Variants in KANK3 observed in about 807,000 individuals in gnomAD.
KANK3 encodes the protein KN motif and ankyrin repeat domain-containing protein 3.
Under a neutral mutation model 65.4 loss-of-function variants are expected in KANK3, and 61 were observed. That is an observed-to-expected ratio of 0.93 (90% CI 0.76 to 1.15). The LOEUF (loss-of-function observed/expected upper bound fraction) is 1.15. KANK3 is among the 50% of genes most tolerant of loss of function. The pLI is 0.00. For synonymous variants in KANK3, 586 were observed against 543.3 expected (o/e 1.08, Z -1.09); for missense variants, 1,187 against 1,178.8 (o/e 1.01, Z -0.10).
intron 7 of KANK3, among the ~76,000 whole-genome samples, chr19:8,328,373 A>C (rs994961722): frequency 2.1e-5 from 3 of 146,228 alleles, no homozygotes; most frequent in African/African-American, 5.1e-5. Flanking sequence ...TCCACTCTTC[A>C]CTCACCACCC....
chr19:8,333,485 G>A lies in KANK3; in HGVS notation c.1719+239C>T, dbSNP rs1320642986. Among the ~76,000 whole-genome samples, 1 of 152,234 alleles carries A rather than the reference G, an allele frequency of 6.6e-6. No homozygotes were observed. Among genetic ancestry groups the A allele is most frequent in the Non-Finnish European group, 1.5e-5 (1 of 68,044 alleles). On this transcript the variant is annotated intron_variant, in intron 6 of 10. Transcript: ENST00000330915. This position sits in a 1 kb window ranked among gnomAD's most constrained non-coding sequence, Gnocchi z 5.0. ...GAATTTGCGGGAGAACATGGAACGG[G>A]GAAAGGCAATGAACGCTTGCCCTTG...
intron 10 of KANK3, chr19:8,323,496 G>T (rs11260080): frequency 0.16 from 23,879 of 152,494 alleles, 2,235 homozygotes; most frequent in African/African-American, 0.26. Context: ...AACCTGGGAG[G>T]TGGAGGTTGC....
intron 7 of KANK3, among the ~76,000 whole-genome samples, chr19:8,329,777 T>C (rs1028056267): frequency 3.9e-5 from 6 of 152,186 alleles, no homozygotes; most frequent in Admixed American, 1.3e-4. Flanking sequence ...ATTGGCTCAC[T>C]GTCAATCTTA....
chr19:8,327,121 C>A (rs981800906), intron 7 of KANK3, among the ~76,000 whole-genome samples: 1 of 151,966 alleles, frequency 6.6e-6, no homozygotes, highest in Non-Finnish European at 1.5e-5. Context: ...GGGAAAGGAG[C>A]GGGGTCGGGG....
intron 2 of KANK3, among the ~76,000 whole-genome samples, chr19:8,336,580 A>G (rs1970642143): frequency 1.7e-5 from 2 of 114,400 alleles, no homozygotes; most frequent in Non-Finnish European, 3.6e-5. Context: ...CCAAAAATAT[A>G]TATATACACA....
chr19:8,324,791 G>A lies in KANK3; in HGVS notation c.2122C>T (p.Arg708Ter), dbSNP rs750030061. Residue 708 changes from arginine to a stop codon, truncating the protein, a stop_gained, in exon 9 of 11, where the codon CGA becomes TGA. Coordinates refer to ENST00000330915, the MANE Select transcript of KANK3 (RefSeq NM_198471.3). LOFTEE classifies it high-confidence loss of function. ...TALMLAISHG[R>*]QDMVATLLAC... is the part of the protein sequence containing the mutation. ...AGTAGGGTTGCCACCATGTCCTGTC[G>A]GCCATGGCTGATGGCCAGCATGAGG... is the stretch of plus-strand genomic sequence containing the variant. The A allele has an allele frequency of 1.7e-5, 27 of 1,613,476 alleles. No homozygotes were observed. Among genetic ancestry groups the A allele is most frequent in the African/African-American group, 2.7e-5 (2 of 74,926 alleles).
intron 1 of KANK3, among the ~76,000 whole-genome samples, chr19:8,339,224 C>T (rs1035230236): frequency 2.0e-5 from 3 of 151,998 alleles, no homozygotes; most frequent in Non-Finnish European, 4.4e-5. Context: ...TTAACAAGGA[C>T]AAATATTGAA....
intron 7 of KANK3, among the ~76,000 whole-genome samples, chr19:8,327,262 G>A (rs769520762): frequency 1.9e-4 from 29 of 152,094 alleles, no homozygotes; most frequent in African/African-American, 5.1e-4. Flanking sequence ...AATGCTTAGG[G>A]AGGCCAAGGC....
rs1009290035 is a variant in KANK3 at position 8,334,647 on chromosome 19, G to C, written c.1180C>G (p.Arg394Gly). ...GTGGTGGCCTCGCGTAGCTGGGCCC[G>C]GGCCCCCGCCGCTGCCTCCTCCGCA... is the stretch of plus-strand genomic sequence containing the variant. The part of the protein sequence containing the change: ...EAAEEAAAGA[R>G]AQLREATTQT... The change falls in exon 3 of 11, where the codon CGG becomes GGG. Residue 394 changes from arginine to glycine, a missense_variant. This residue lies in a region of KANK3 where 1,078 missense variants were observed against 1,038.2 expected (regional missense o/e 1.04). Transcript: ENST00000330915. 8 of 1,533,952 alleles carry C rather than the reference G, an allele frequency of 5.2e-6. No homozygotes were observed. The highest frequency in any genetic ancestry group is 1.4e-5 in the African/African-American group (1 of 72,902).
chr19:8,337,972 C>G, intron 1 of KANK3, 116 bp from the exon 2 acceptor site: 1 of 1,464,674 alleles, frequency 6.8e-7, no homozygotes, highest in Non-Finnish European at 9.0e-7. Context: ...AGCCACCTCC[C>G]TCCACACATG....
At chr19:8,330,759 G>T (rs896894047) in intron 7 of KANK3, among the ~76,000 whole-genome samples, 1 of 151,542 alleles carries the variant, frequency 6.6e-6, no homozygotes, top group Non-Finnish European at 1.5e-5. Flanking sequence ...ACAAAAATTA[G>T]CTGGGTGTGG....
chr19:8,324,936 G>A lies in KANK3; in HGVS notation c.2082+15C>T. On this transcript the variant is annotated intron_variant, in intron 8 of 10. Coordinates refer to ENST00000330915, the MANE Select transcript of KANK3 (RefSeq NM_198471.3). ...TGACTCCTGGCTGAGAGCCACAGTG[G>A]GGGCGCCCACGCACCTGACTGGCCT... 1 of 1,611,496 alleles carries A rather than the reference G, an allele frequency of 6.2e-7. No homozygotes were observed. Among genetic ancestry groups the A allele is most frequent in the Non-Finnish European group, 8.5e-7 (1 of 1,178,452 alleles).
intron 7 of KANK3, among the ~76,000 whole-genome samples, chr19:8,327,361 G>T (rs942286403): frequency 6.6e-6 from 1 of 151,930 alleles, no homozygotes; most frequent in Non-Finnish European, 1.5e-5. Flanking sequence ...GCCGGACACG[G>T]TGGCTCACGT....
chr19:8,342,959 T>C (rs1970739668), intron 1 of KANK3, among the ~76,000 whole-genome samples: 1 of 151,966 alleles, frequency 6.6e-6, no homozygotes, highest in African/African-American at 2.4e-5. Flanking sequence ...GTTGTGGCAT[T>C]AGGGAGCGAA....
In KANK3 at chr19:8,322,650, C is replaced by A; in HGVS notation, c.*189G>T. Reference sequence around the variant, plus strand: ...GTGGATCAGGGCTCTATCACTTGGTCCCCACCTCACCTTGGTGGGGCCAGA... The same window carrying A: ...GTGGATCAGGGCTCTATCACTTGGTACCCACCTCACCTTGGTGGGGCCAGA... On this transcript the variant is annotated 3_prime_UTR_variant, in exon 11 of 11. Coordinates refer to ENST00000330915, the MANE Select transcript of KANK3 (RefSeq NM_198471.3). 1 of 598,150 alleles carries A rather than the reference C, an allele frequency of 1.7e-6. No individual in the cohort carries two copies. The highest frequency in any genetic ancestry group is 1.9e-5 in the African/African-American group (1 of 53,802). 37.1% of individuals were successfully genotyped at this position (598,150 alleles called of 1,614,324 possible). A position where few individuals can be genotyped will look rare whatever the true frequency, so the allele number is the denominator to read the frequency against.
Position 8,337,882 on chromosome 19 carries a change from G to A in KANK3, c.-28-26C>T, listed in dbSNP as rs1002661354. ...CTGCAAAAGGGGTGAAGGTGGGGCT[G>A]GGCGCTGTCCCTCTGGCTGGAGCCT... On this transcript the variant is annotated intron_variant, in intron 1 of 10. Coordinates refer to ENST00000330915, the MANE Select transcript of KANK3 (RefSeq NM_198471.3). 3.7e-6 allele frequency: 6 copies of A among 1,612,016 alleles called. No homozygotes were observed. The African/African-American group carries it at 8.0e-5, about 22-fold the overall frequency.
chr19:8,324,728 C>T lies in KANK3; in HGVS notation c.2185G>A (p.Gly729Arg). 1 of 1,614,060 alleles carries T rather than the reference C, an allele frequency of 6.2e-7. No individual in the cohort carries two copies. Among genetic ancestry groups the T allele is most frequent in the Non-Finnish European group, 8.5e-7 (1 of 1,180,012 alleles). The change falls in exon 9 of 11, where the codon GGG becomes AGG. Residue 729 changes from glycine to arginine, a missense_variant. By Grantham distance (125) the Gly-to-Arg change is moderately radical. Around this residue, in one of 3 missense-constraint regions of KANK3, gnomAD observed 1,078 missense variants for 1,038.2 expected, o/e 1.04. Coordinates refer to ENST00000330915, the MANE Select transcript of KANK3 (RefSeq NM_198471.3). The part of the protein sequence containing the change: ...GADVNAQDAD[G>R]ATALMCASEY... The stretch of plus-strand genomic sequence containing the variant: ...CTGGCACACATCAGCGCTGTGGCCC[C>T]ATCCGCATCCTGCGCATTCACATCA...
At position 8,324,677 on chromosome 19, in the gene KANK3, G is replaced by T; in HGVS notation, c.2236C>A (p.Arg746=). The T allele has an allele frequency of 6.2e-7, 1 of 1,614,000 alleles. No individual in the cohort carries two copies. The change falls in exon 9 of 11, where the codon CGG becomes AGG. Residue 746 remains arginine, a synonymous_variant. Coordinates refer to ENST00000330915, the MANE Select transcript of KANK3 (RefSeq NM_198471.3). ...CAGCCTGGCTGGGTGAGCAGCAGCC[G>T]CACGGTGTCCAGGCGCCCATACTCA... The part of the protein sequence containing the change: ...ASEYGRLDTV[R]LLLTQPGCDP...
intron 7 of KANK3, among the ~76,000 whole-genome samples, chr19:8,327,370 G>A (rs895351918): frequency 3.3e-5 from 5 of 151,964 alleles, no homozygotes; most frequent in African/African-American, 9.7e-5. Flanking sequence ...GGTGGCTCAC[G>A]TCTGTAATCC....
Sources: gnomAD v4.1 joint callset for allele counts (sites outside exome capture counted in the v4.1 genomes callset) on GRCh38, gnomAD v4.1.1 for gene constraint, gnomAD v4.1.1 regional missense constraint, Gnocchi (gnomAD v3.1) non-coding constraint, MANE v1.5 for transcripts, NCBI Gene and HGNC (gene_info 2026-07-23, HGNC 2026-07-21) for gene names.